Variants in BICD1 observed in about 807,000 individuals in gnomAD.
BICD1 encodes the protein protein bicaudal D homolog 1.
A neutral mutation model predicts 92.5 loss-of-function variants in BICD1; 35 were observed. The observed-to-expected ratio is 0.38, with a 90% confidence interval of 0.29 to 0.50. The LOEUF is 0.50. Ranked by LOEUF, BICD1 falls within the 20% of genes least tolerant of loss-of-function variation. The pLI is 0.93. For missense variants in BICD1, 950 were observed against 1,189.8 expected (o/e 0.80, Z 2.97); for synonymous variants, 429 against 465.1 (o/e 0.92, Z 1.00).
At chr12:32,192,339 TG>T (rs1178172020) in intron 1 of BICD1, among the ~76,000 whole-genome samples, 1 of 149,312 alleles carries the variant, frequency 6.7e-6, no homozygotes, top group Non-Finnish European at 1.5e-5. Flanking sequence ...GAGGCTGAGG[TG>T]GGAGAATTGC....
chr12:32,225,087 A>T (rs569756032), intron 2 of BICD1, among the ~76,000 whole-genome samples: 1 of 152,344 alleles, frequency 6.6e-6, no homozygotes, highest in East Asian at 1.9e-4. Flanking sequence ...TCCCTTGGTC[A>T]GTGCTACTCT....
intron 1 of BICD1, among the ~76,000 whole-genome samples, chr12:32,187,535 G>A (rs995188187): frequency 6.6e-6 from 1 of 152,106 alleles, no homozygotes; most frequent in Non-Finnish European, 1.5e-5. Context: ...ATTCGGGCGT[G>A]GTGGCGCGCT....
At position 32,263,747 on chromosome 12, in the gene BICD1, A is replaced by G. The variant is rs1340400623; in HGVS notation, c.427-30247A>G. Among the ~76,000 whole-genome samples the G allele has an allele frequency of 2.0e-5, 3 of 152,142 alleles. No homozygotes were observed. In the East Asian group the frequency reaches 5.8e-4, roughly 29 times the overall value. ...ATTTTTCCTGCAGGAGTCATGTGATATATTATGGATGTTTTCAAATATTAA... is the reference window on the plus strand; with the variant it reads ...ATTTTTCCTGCAGGAGTCATGTGATGTATTATGGATGTTTTCAAATATTAA... On this transcript the variant is annotated intron_variant, in intron 2 of 9. Transcript: ENST00000652176.
At chr12:32,333,609 A>T (rs1225948914) in intron 5 of BICD1, among the ~76,000 whole-genome samples, 1 of 152,226 alleles carries the variant, frequency 6.6e-6, no homozygotes, top group Non-Finnish European at 1.5e-5. Context: ...GTATTTGTAT[A>T]CACTTTGAAA....
intron 2 of BICD1, among the ~76,000 whole-genome samples, chr12:32,275,549 C>G (rs1023748578): frequency 6.6e-5 from 10 of 152,186 alleles, no homozygotes; most frequent in African/African-American, 2.4e-4. Flanking sequence ...GGTCCCCTCC[C>G]TTTGTATGGG....
intron 2 of BICD1, among the ~76,000 whole-genome samples, chr12:32,277,524 G>T (rs1463017940): frequency 6.6e-6 from 1 of 152,184 alleles, no homozygotes; most frequent in African/African-American, 2.4e-5. Flanking sequence ...ATTACCAATA[G>T]TTGGGCTAAC....
intron 2 of BICD1, among the ~76,000 whole-genome samples, chr12:32,268,390 A>G (rs1220187926): frequency 6.9e-6 from 1 of 144,288 alleles, no homozygotes; most frequent in African/African-American, 2.9e-5. Context: ...AAAATACGTC[A>G]TTGGTCCATG....
chr12:32,122,293 C>CA (rs1942183132), intron 1 of BICD1, among the ~76,000 whole-genome samples: 1 of 151,972 alleles, frequency 6.6e-6, no homozygotes. Flanking sequence ...TCGAGACCAT[C>CA]CTGACTAACA....
chr12:32,289,762 C>T (rs956481583), intron 2 of BICD1, among the ~76,000 whole-genome samples: 9 of 152,206 alleles, frequency 5.9e-5, no homozygotes, highest in African/African-American at 2.2e-4. Context: ...GTATTATATA[C>T]CAATATTTAC....
At chr12:32,344,761 T>C (rs1209009582) in intron 8 of BICD1, among the ~76,000 whole-genome samples, 2 of 152,230 alleles carry the variant, frequency 1.3e-5, no homozygotes, top group Non-Finnish European at 2.9e-5. Context: ...ATTTATATTT[T>C]TTCCTATAGA....
intron 2 of BICD1, among the ~76,000 whole-genome samples, chr12:32,249,220 G>C (rs756850232): frequency 2.0e-5 from 3 of 152,154 alleles, no homozygotes; most frequent in Non-Finnish European, 2.9e-5. Flanking sequence ...AAAAAGATTT[G>C]AAGAAACAAA....
chr12:32,242,531 G>GAA (rs74974111), intron 2 of BICD1, among the ~76,000 whole-genome samples: 1 of 137,158 alleles, frequency 7.3e-6, no homozygotes, highest in East Asian at 2.1e-4. Context: ...TGTCTTAAAA[G>GAA]AAAAAAAAAA....
chr12:32,316,818 T>G lies in BICD1; in HGVS notation c.1006-10643T>G, dbSNP rs572971232. Among the ~76,000 whole-genome samples the G allele has an allele frequency of 1.5e-3, 223 of 152,328 alleles. 1 individual carries two copies. The highest frequency in any genetic ancestry group is 5.2e-3 in the African/African-American group (215 of 41,576). On this transcript the variant is annotated intron_variant, in intron 4 of 9. Transcript: ENST00000652176. ...GTGCTGCACCCATTAACTTGTCATT[T>G]AGCATTAGGTATATCTCCTAATGCT...
intron 2 of BICD1, among the ~76,000 whole-genome samples, chr12:32,237,131 C>A (rs147461638): frequency 1.3e-5 from 2 of 152,050 alleles, no homozygotes; most frequent in African/African-American, 4.8e-5. Flanking sequence ...CTGCCCGCCT[C>A]GGCCTCCCAA....
intron 2 of BICD1, among the ~76,000 whole-genome samples, chr12:32,283,242 C>G (rs1293552413): frequency 6.6e-6 from 1 of 152,080 alleles, no homozygotes; most frequent in Non-Finnish European, 1.5e-5. Context: ...TTGAGAGATT[C>G]AGGACTATTT....
At chr12:32,156,006 C>A (rs10844142) in intron 1 of BICD1, among the ~76,000 whole-genome samples, 49,987 of 152,034 alleles carry the variant, frequency 0.33, 8,715 homozygotes, top group Admixed American at 0.49. Flanking sequence ...GGACACATAA[C>A]ACCTTTACAA....
intron 1 of BICD1, among the ~76,000 whole-genome samples, chr12:32,117,932 T>C (rs1941998203): frequency 6.6e-6 from 1 of 150,890 alleles, no homozygotes; most frequent in African/African-American, 2.4e-5. Context: ...GTATTTTTAG[T>C]AGAGACAGGG....
At chr12:32,225,624 T>TTTG (rs797012100) in intron 2 of BICD1, among the ~76,000 whole-genome samples, 3 of 118,296 alleles carry the variant, frequency 2.5e-5, no homozygotes, top group East Asian at 4.5e-4. Flanking sequence ...TTTTTCTGTT[T>TTTG]TTTTTTTTTT....
intron 1 of BICD1, among the ~76,000 whole-genome samples, chr12:32,138,002 T>A (rs1006784518): frequency 6.6e-6 from 1 of 152,152 alleles, no homozygotes; most frequent in Non-Finnish European, 1.5e-5. Context: ...TTTTGCTATG[T>A]TGGCCAAGCT....
Sources: gnomAD v4.1 joint callset for allele counts (sites outside exome capture counted in the v4.1 genomes callset) on GRCh38, gnomAD v4.1.1 for gene constraint, MANE v1.5 for transcripts, NCBI Gene and HGNC (gene_info 2026-07-23, HGNC 2026-07-21) for gene names.